The following DENND5B variants were observed in gnomAD, a reference collection of about 807,000 sequenced individuals.
The protein encoded by DENND5B is DENN domain-containing protein 5B.
In DENND5B, 34 loss-of-function variants were observed where a neutral mutation model predicts 140.6. That is an observed-to-expected ratio of 0.24 (90% CI 0.18 to 0.32). DENND5B has a LOEUF of 0.32. Among genes scored for constraint, DENND5B ranks in the 10% least tolerant of loss-of-function variants. The probability of loss-of-function intolerance (pLI) is 1.00; values close to 1 mark genes in which losing one functional copy is unlikely to be tolerated. For synonymous variants in DENND5B, 551 were observed against 562.1 expected (o/e 0.98, Z 0.28); for missense variants, 1,142 against 1,560.2 (o/e 0.73, Z 4.52).
intron 1 of DENND5B, among the ~76,000 whole-genome samples, chr12:31,524,896 G>A (rs1948032824): frequency 6.6e-6 from 1 of 151,838 alleles, no homozygotes; most frequent in Non-Finnish European, 1.5e-5. Flanking sequence ...CTGTTCTCTT[G>A]CTCCCTTCCA....
intron 1 of DENND5B, among the ~76,000 whole-genome samples, chr12:31,519,127 C>A (rs778932104): frequency 6.6e-6 from 1 of 152,162 alleles, no homozygotes; most frequent in African/African-American, 2.4e-5. Context: ...AAAGGAGATA[C>A]GGAAGACAAA....
intron 1 of DENND5B, among the ~76,000 whole-genome samples, chr12:31,516,477 CAAAAAA>C (rs58069719): frequency 2.0e-4 from 14 of 68,668 alleles, no homozygotes; most frequent in Non-Finnish European, 4.4e-4. Flanking sequence ...GACCCTGTCT[CAAAAAA>C]AAAAAAAAAA....
At chr12:31,398,123 C>G in intron 17 of DENND5B, 52 bp downstream of exon 17, 1 of 1,481,244 alleles carries the variant, frequency 6.8e-7, no homozygotes, top group Non-Finnish European at 9.0e-7. Flanking sequence ...ATCAAATGGT[C>G]ACATGAAGCC....
At position 31,432,930 on chromosome 12, in the gene DENND5B, A is replaced by G. The variant is rs1943576060; in HGVS notation, c.2106+225T>C. On this transcript the variant is annotated intron_variant, in intron 8 of 20. Transcript: ENST00000389082. ...GATCTTTACTTGATGTAATACACAG[A>G]AAGACTTGTTTTAGAGCCTTATTAT... 3 of 479,588 alleles carry G rather than the reference A, an allele frequency of 6.3e-6. No homozygotes were observed. In the Admixed American group the frequency reaches 1.1e-4, roughly 18 times the overall value. 29.7% of individuals were successfully genotyped at this position (479,588 alleles called of 1,614,324 possible). A position where few individuals can be genotyped will look rare whatever the true frequency, so the allele number is the denominator to read the frequency against.
At chr12:31,499,764 T>G in intron 1 of DENND5B, 2 of 1,061,446 alleles carry the variant, frequency 1.9e-6, no homozygotes, top group South Asian at 4.7e-5. Flanking sequence ...ATGAGAATAA[T>G]TAACCAAAAG....
intron 13 of DENND5B, among the ~76,000 whole-genome samples, chr12:31,410,088 T>C (rs1405785417): frequency 6.6e-6 from 1 of 152,230 alleles, no homozygotes; most frequent in Non-Finnish European, 1.5e-5. Flanking sequence ...AAAATGCATC[T>C]ATTTTATCTA....
intron 1 of DENND5B, among the ~76,000 whole-genome samples, chr12:31,571,680 C>T (rs1410653614): frequency 6.6e-6 from 1 of 152,004 alleles, no homozygotes; most frequent in Non-Finnish European, 1.5e-5. Context: ...TGCCATGGCA[C>T]GTTCTCGGCT....
At chr12:31,552,417 T>C (rs537211763) in intron 1 of DENND5B, among the ~76,000 whole-genome samples, 7 of 152,340 alleles carry the variant, frequency 4.6e-5, no homozygotes, top group East Asian at 1.9e-4. Flanking sequence ...GAAGCCCACT[T>C]GATCATAGTG....
chr12:31,459,324 C>T (rs1254492492), intron 4 of DENND5B, among the ~76,000 whole-genome samples: 1 of 152,148 alleles, frequency 6.6e-6, no homozygotes, highest in African/African-American at 2.4e-5. Flanking sequence ...GACGGAATCT[C>T]GCTCTGTCAC....
intron 1 of DENND5B, among the ~76,000 whole-genome samples, chr12:31,552,303 C>A (rs1282511673): frequency 6.6e-6 from 1 of 152,158 alleles, no homozygotes; most frequent in East Asian, 1.9e-4. Context: ...AAGGCCTTTT[C>A]TGCATCTATT....
intron 3 of DENND5B, among the ~76,000 whole-genome samples, chr12:31,464,829 T>C (rs1945185406): frequency 6.6e-6 from 1 of 152,176 alleles, no homozygotes; most frequent in African/African-American, 2.4e-5. Flanking sequence ...CCTCCCAAAG[T>C]GCTGAGATTA....
chr12:31,506,864 A>G (rs987119744), intron 1 of DENND5B, among the ~76,000 whole-genome samples: 4 of 152,198 alleles, frequency 2.6e-5, no homozygotes, highest in Non-Finnish European at 4.4e-5. Flanking sequence ...CCCTGCGCAT[A>G]CATCAGTGTT....
At chr12:31,411,093 C>T (rs1942435211) in intron 13 of DENND5B, among the ~76,000 whole-genome samples, 1 of 149,160 alleles carries the variant, frequency 6.7e-6, no homozygotes, top group African/African-American at 2.5e-5. Context: ...GGCTAGAGTG[C>T]AATGGCACGA....
At chr12:31,391,016 A>C (rs768663043) in intron 19 of DENND5B, among the ~76,000 whole-genome samples, 1 of 152,188 alleles carries the variant, frequency 6.6e-6, no homozygotes, top group Admixed American at 6.5e-5. Flanking sequence ...TCTCTGTCTC[A>C]AACAAACAAA....
intron 3 of DENND5B, among the ~76,000 whole-genome samples, chr12:31,461,847 A>G (rs1300584414): frequency 6.6e-6 from 1 of 152,184 alleles, no homozygotes; most frequent in Non-Finnish European, 1.5e-5. Context: ...GGGAGGAAGA[A>G]TTTAGGGGAG....
intron 1 of DENND5B, among the ~76,000 whole-genome samples, chr12:31,503,426 G>A (rs1186175017): frequency 2.0e-5 from 3 of 152,142 alleles, no homozygotes; most frequent in Non-Finnish European, 4.4e-5. Flanking sequence ...TGGGCGTGGT[G>A]GCAGGTGCTT....
intron 5 of DENND5B, among the ~76,000 whole-genome samples, chr12:31,449,731 G>GATTTTTTTTTTTT: frequency 1.1e-5 from 1 of 89,970 alleles, no homozygotes; most frequent in Non-Finnish European, 2.1e-5. Flanking sequence ...ACACAGATTA[G>GATTTTTTTTTTTT]TTTTTTTTTT....
intron 13 of DENND5B, among the ~76,000 whole-genome samples, chr12:31,409,648 T>G (rs1942338107): frequency 6.6e-6 from 1 of 152,006 alleles, no homozygotes; most frequent in Non-Finnish European, 1.5e-5. Flanking sequence ...CAGGCTAATT[T>G]TTGTATTTTT....
intron 1 of DENND5B, among the ~76,000 whole-genome samples, chr12:31,588,393 T>C (rs972248837): frequency 6.6e-6 from 1 of 152,202 alleles, no homozygotes; most frequent in Non-Finnish European, 1.5e-5. Context: ...GAGAACTATA[T>C]ACAGTCGGCA....
Sources: allele counts gnomAD v4.1 joint callset (sites outside exome capture counted in the v4.1 genomes callset), GRCh38; gene constraint gnomAD v4.1.1; transcripts MANE v1.5; gene names NCBI Gene and HGNC (gene_info 2026-07-23, HGNC 2026-07-21).